TAS2R1: variants seen among roughly 807,000 people sequenced by gnomAD.
TAS2R1 encodes the protein taste 2 receptor member 1, also known as taste receptor type 2 member 1.
For synonymous variants in TAS2R1, 141 were observed against 134.2 expected, an observed-to-expected ratio of 1.05 and a Z score of -0.35; for missense variants, 370 against 353.4, an observed-to-expected ratio of 1.05 and a Z score of -0.38.
rs78240678 is a variant in TAS2R1 at position 9,670,542 on chromosome 5, C to T, written c.-241-10961G>A. Among the ~76,000 whole-genome samples, 899 of 152,320 alleles carry T rather than the reference C, an allele frequency of 5.9e-3. 6 individuals are homozygous for T. The highest frequency in any genetic ancestry group is 0.02 in the African/African-American group (842 of 41,572). The stretch of plus-strand genomic sequence containing the variant: ...GCATCTCTCTGAGCCTACTCTGGCT[C>T]AGGAGGCTGCCCACTTCATGAATCA... On this transcript the variant is annotated intron_variant, in intron 1 of 2. Coordinates refer to the TAS2R1 transcript ENST00000506620.
chr5:9,750,733 A>C, the TAS2R1 span, among the ~76,000 whole-genome samples: 1 of 152,186 alleles, frequency 6.6e-6, no homozygotes, highest in Non-Finnish European at 1.5e-5. Flanking sequence ...ATCAAGTACA[A>C]AATTACCAAA....
At chr5:9,757,948 T>A in the TAS2R1 span, among the ~76,000 whole-genome samples, 1 of 152,112 alleles carries the variant, frequency 6.6e-6, no homozygotes, top group African/African-American at 2.4e-5. Context: ...AAATAACATG[T>A]ATATACAGTT....
chr5:9,656,652 A>G (rs1490068557), intron 2 of TAS2R1, among the ~76,000 whole-genome samples: 1 of 152,190 alleles, frequency 6.6e-6, no homozygotes. Context: ...TCTAATGTTA[A>G]TCTCATCCAG....
the TAS2R1 span, among the ~76,000 whole-genome samples, chr5:9,735,037 C>T: frequency 1.3e-5 from 2 of 151,342 alleles, no homozygotes; most frequent in South Asian, 2.1e-4. Flanking sequence ...AGGAAACTTA[C>T]AGTCGTGGCA....
intron 1 of TAS2R1, among the ~76,000 whole-genome samples, chr5:9,666,509 T>C (rs963242088): frequency 6.6e-6 from 1 of 152,142 alleles, no homozygotes; most frequent in African/African-American, 2.4e-5. Context: ...ATTTATCAGA[T>C]GGTTGAGAGG....
chr5:9,737,126 G>A, the TAS2R1 span, among the ~76,000 whole-genome samples: 1 of 152,190 alleles, frequency 6.6e-6, no homozygotes, highest in Admixed American at 6.5e-5. Context: ...TTCTCCATAT[G>A]GATTGTGAAA....
At chr5:9,879,709 G>C in the TAS2R1 span, among the ~76,000 whole-genome samples, 1 of 152,168 alleles carries the variant, frequency 6.6e-6, no homozygotes, top group African/African-American at 2.4e-5. Flanking sequence ...ATAGAGATGT[G>C]ATGATTATAT....
chr5:9,857,003 C>A, the TAS2R1 span, among the ~76,000 whole-genome samples: 5 of 152,102 alleles, frequency 3.3e-5, no homozygotes, highest in Non-Finnish European at 7.4e-5. Context: ...GAACTGGTGG[C>A]CATTATGTAA....
intron 1 of TAS2R1, among the ~76,000 whole-genome samples, chr5:9,664,052 T>C (rs77596129): frequency 0.043 from 6,471 of 152,176 alleles, 178 homozygotes; most frequent in Non-Finnish European, 0.065. Context: ...AGATAATACA[T>C]TTCTGTTATT....
chr5:9,774,449 G>T, the TAS2R1 span, among the ~76,000 whole-genome samples: 36 of 152,342 alleles, frequency 2.4e-4, no homozygotes, highest in South Asian at 4.6e-3. Context: ...TTCGTTTAGT[G>T]AGATCACGTT....
the TAS2R1 span, among the ~76,000 whole-genome samples, chr5:9,810,121 T>C: frequency 1.3e-5 from 2 of 152,218 alleles, no homozygotes. Context: ...AAGTCTACTT[T>C]TAGCATGTGT....
intron 2 of TAS2R1, among the ~76,000 whole-genome samples, chr5:9,644,516 A>C (rs1007513135): frequency 6.6e-6 from 1 of 152,118 alleles, no homozygotes; most frequent in Admixed American, 6.6e-5. Context: ...AGGTTGAAGG[A>C]AGGTTAAAAT....
intron 1 of TAS2R1, among the ~76,000 whole-genome samples, chr5:9,679,737 T>C (rs989510364): frequency 2.0e-5 from 3 of 152,188 alleles, no homozygotes; most frequent in African/African-American, 7.2e-5. Context: ...GTTAGAGACA[T>C]CAGTGTGAAC....
the TAS2R1 span, among the ~76,000 whole-genome samples, chr5:9,890,273 C>T: frequency 2.6e-5 from 4 of 152,200 alleles, no homozygotes; most frequent in African/African-American, 9.7e-5. Flanking sequence ...CATAAAACTT[C>T]TGACATTCTA....
chr5:9,796,030 C>T, the TAS2R1 span, among the ~76,000 whole-genome samples: 1 of 152,120 alleles, frequency 6.6e-6, no homozygotes, highest in Non-Finnish European at 1.5e-5. Flanking sequence ...GACAAATTAA[C>T]CCCAATGAAG....
At chr5:9,648,640 G>A (rs575767579) in intron 2 of TAS2R1, among the ~76,000 whole-genome samples, 32 of 151,644 alleles carry the variant, frequency 2.1e-4, no homozygotes, top group African/African-American at 6.0e-4. Flanking sequence ...TGGTACTGTC[G>A]AAATGAAAAA....
chr5:9,695,031 C>T (rs1236504623), intron 1 of TAS2R1, among the ~76,000 whole-genome samples: 1 of 152,180 alleles, frequency 6.6e-6, no homozygotes, highest in African/African-American at 2.4e-5. Context: ...ATCCCAAGGG[C>T]ACTGTTTACC....
the TAS2R1 span, among the ~76,000 whole-genome samples, chr5:9,775,412 G>A: frequency 2.6e-5 from 4 of 152,140 alleles, no homozygotes; most frequent in Non-Finnish European, 2.9e-5. Context: ...ATCCTACTTG[G>A]TGCTCCATCC....
At chr5:9,646,006 G>A (rs2126484573) in intron 2 of TAS2R1, among the ~76,000 whole-genome samples, 1 of 152,146 alleles carries the variant, frequency 6.6e-6, no homozygotes, top group African/African-American at 2.4e-5. Context: ...ATTATAGAAA[G>A]GTAATGATGT....
Sources: gnomAD v4.1 joint callset for allele counts (sites outside exome capture counted in the v4.1 genomes callset) on GRCh38, gnomAD v4.1.1 for gene constraint, MANE v1.5 for transcripts, NCBI Gene and HGNC (gene_info 2026-07-23, HGNC 2026-07-21) for gene names.